EPB41L3: variants seen among roughly 807,000 people sequenced by gnomAD.
The protein encoded by EPB41L3 is erythrocyte membrane protein band 4.1 like 3.
A neutral mutation model predicts 127.1 loss-of-function variants in EPB41L3; 57 were observed. The observed-to-expected ratio is 0.45, with a 90% CI of 0.36 to 0.56. EPB41L3 has a LOEUF of 0.56. EPB41L3 is among the 20% of genes least tolerant of loss of function. EPB41L3 has a pLI of 0.00. For synonymous variants in EPB41L3, 572 were observed against 549.5 expected, an observed-to-expected ratio of 1.04 and a Z score of -0.57; for missense variants, 1,273 against 1,372.2, an observed-to-expected ratio of 0.93 and a Z score of 1.14.
rs1231711455 is a variant in EPB41L3 at position 5,392,904 on chromosome 18, CAG to C, written c.*579_*580del. On this transcript the variant is annotated 3_prime_UTR_variant, in exon 23 of 23. Coordinates refer to ENST00000341928, the MANE Select transcript of EPB41L3 (RefSeq NM_012307.5). ...GAAGCATTACATATTTCCAGAGGGT[CAG>C]AGAGTCATTACTGTTTATGGGTGAG... 6.6e-6 allele frequency: 1 copy of C among 152,594 alleles called. No homozygotes were observed. The highest frequency in any genetic ancestry group is 1.5e-5 in the Non-Finnish European group (1 of 68,070). The allele number at this position is 152,594 out of a possible 1,614,324, so 9.5% of individuals were successfully genotyped here.
upstream of EPB41L3, among the ~76,000 whole-genome samples, chr18:5,548,144 C>A (rs545126652): frequency 8.3e-4 from 127 of 152,268 alleles, no homozygotes; most frequent in African/African-American, 2.9e-3. Context: ...ATATCAAGTT[C>A]TTGAAATCAG....
chr18:5,599,566 T>G (rs922908597), intron 3 of EPB41L3, among the ~76,000 whole-genome samples: 5 of 152,130 alleles, frequency 3.3e-5, no homozygotes, highest in African/African-American at 9.7e-5. Flanking sequence ...AGGGTTAACA[T>G]CATCCCCTTA....
At chr18:5,402,826 C>G (rs1331074999) in intron 16 of EPB41L3, among the ~76,000 whole-genome samples, 1 of 152,154 alleles carries the variant, frequency 6.6e-6, no homozygotes, top group Non-Finnish European at 1.5e-5. Flanking sequence ...AAATTCATAA[C>G]AGTGTCATTT....
chr18:5,579,191 T>A (rs973692422), intron 3 of EPB41L3, among the ~76,000 whole-genome samples: 4 of 152,328 alleles, frequency 2.6e-5, no homozygotes, highest in Admixed American at 2.0e-4. Flanking sequence ...ACAATTAAAA[T>A]TTAAAATTTT....
At chr18:5,618,085 T>C (rs1262379178) in intron 1 of EPB41L3, among the ~76,000 whole-genome samples, 2 of 152,198 alleles carry the variant, frequency 1.3e-5, no homozygotes, top group East Asian at 3.8e-4. Flanking sequence ...CAATTTTTAA[T>C]CTCTTCTCTC....
Position 5,561,046 on chromosome 18 carries a change from C to G in EPB41L3, c.-306+51294G>C, listed in dbSNP as rs963553123. Reference sequence around the variant, plus strand: ...AGGCTGGAGTGCAGTGGCGCGATCGCGGCTCACTGCAAGCTCCGCCTCCCA... The same window carrying G: ...AGGCTGGAGTGCAGTGGCGCGATCGGGGCTCACTGCAAGCTCCGCCTCCCA... On this transcript the variant is annotated intron_variant, in intron 3 of 21. Coordinates refer to the EPB41L3 transcript ENST00000545076. Among the ~76,000 whole-genome samples the G allele has an allele frequency of 1.1e-4, 16 of 144,812 alleles. 2 individuals carry two copies. Among genetic ancestry groups the G allele is most frequent in the Non-Finnish European group, 1.5e-5 (1 of 66,148 alleles).
intron 9 of EPB41L3, among the ~76,000 whole-genome samples, chr18:5,426,858 T>C (rs1051868305): frequency 6.6e-6 from 1 of 152,260 alleles, no homozygotes; most frequent in Non-Finnish European, 1.5e-5. Context: ...CTATTGGCTA[T>C]AAGTTTAATA....
intron 3 of EPB41L3, among the ~76,000 whole-genome samples, chr18:5,592,943 C>T (rs977835124): frequency 6.6e-6 from 1 of 152,200 alleles, no homozygotes; most frequent in African/African-American, 2.4e-5. Flanking sequence ...TATCTGTCAG[C>T]ATCTTTCCAT....
chr18:5,630,473 G>A (rs777452529), upstream of EPB41L3: 3 of 518,964 alleles, frequency 5.8e-6, no homozygotes, highest in Admixed American at 5.8e-5. Context: ...CGCAAGGGCA[G>A]AGAGAGGTAG....
intron 3 of EPB41L3, among the ~76,000 whole-genome samples, chr18:5,569,414 G>C (rs2094248088): frequency 6.6e-6 from 1 of 152,178 alleles, no homozygotes; most frequent in South Asian, 2.1e-4. Context: ...TTAAAATGTT[G>C]CTGAGGTGTA....
rs2087666224 is a variant in EPB41L3, at chr18:5,478,313, A to T, written c.309T>A (p.Ile103=). The change falls in exon 3 of 23, where the codon ATT becomes ATA. Residue 103 remains isoleucine, a synonymous_variant. Transcript: ENST00000341928. ...SSKLSRSPLK[I]VKKPKSMQCK... ...ACTGCATGCTTTTAGGCTTTTTGACAATCTTTAATGGAGACCGAGAGAGTT... is the reference window on the plus strand; with the variant it reads ...ACTGCATGCTTTTAGGCTTTTTGACTATCTTTAATGGAGACCGAGAGAGTT... 1.2e-6 allele frequency: 2 copies of T among 1,614,142 alleles called. No individual in the cohort carries two copies. The highest frequency in any genetic ancestry group is 1.7e-6 in the Non-Finnish European group (2 of 1,180,010).
At chr18:5,573,913 CTTTT>C (rs749608391) in intron 3 of EPB41L3, among the ~76,000 whole-genome samples, 1 of 141,456 alleles carries the variant, frequency 7.1e-6, no homozygotes, top group African/African-American at 2.6e-5. Flanking sequence ...ATATATATAC[CTTTT>C]TTTTTTTTTT....
At chr18:5,414,208 C>T (rs887612914) in intron 13 of EPB41L3, among the ~76,000 whole-genome samples, 6 of 152,168 alleles carry the variant, frequency 3.9e-5, no homozygotes, top group African/African-American at 1.2e-4. Context: ...TCTAGTCCAA[C>T]ACTATTTGAT....
At chr18:5,428,509 T>A (rs199980210) in intron 8 of EPB41L3, 44 bp from the exon 9 acceptor site, 2 of 1,604,124 alleles carry the variant, frequency 1.2e-6, no homozygotes, top group Non-Finnish European at 1.7e-6. Context: ...ATCTAACTTA[T>A]TTCCATTTTC....
upstream of EPB41L3, among the ~76,000 whole-genome samples, chr18:5,629,415 CCACACACACACACACACACACACA>C (rs61034629): frequency 2.8e-5 from 4 of 143,756 alleles, no homozygotes; most frequent in Non-Finnish European, 6.1e-5. Context: ...TCCTTACACA[CCACACACACACACACACACACACA>C]CACACACACA....
intron 16 of EPB41L3, chr18:5,400,535 G>A (rs1430467414): frequency 2.2e-6 from 1 of 456,808 alleles, no homozygotes; most frequent in Non-Finnish European, 4.4e-6. Flanking sequence ...AAAATTATTT[G>A]ACGAGAAGTA....
intron 12 of EPB41L3, among the ~76,000 whole-genome samples, chr18:5,417,942 A>G (rs943805658): frequency 7.2e-5 from 11 of 152,192 alleles, no homozygotes; most frequent in Non-Finnish European, 1.6e-4. Flanking sequence ...CAGCCTGGGA[A>G]ACGTGCCTCC....
Position 5,397,899 on chromosome 18 carries a change from AC to A in EPB41L3, c.2472+121del. ...CAGACACAAAGGACAATAAGTGAAG[AC>A]ACCTTTGAGATGTTGAAGGCAAAGC... On this transcript the variant is annotated intron_variant, in intron 17 of 22. Coordinates refer to ENST00000341928, the MANE Select transcript of EPB41L3 (RefSeq NM_012307.5). The surrounding 1 kb of genome is among the most constrained non-coding windows in gnomAD (Gnocchi z 4.1). The A allele has an allele frequency of 1.8e-6, 2 of 1,099,726 alleles. No individual in the cohort carries two copies. The highest frequency in any genetic ancestry group is 2.7e-6 in the Non-Finnish European group (2 of 745,508). The allele number at this position is 1,099,726 out of a possible 1,614,324, so 68.1% of individuals were successfully genotyped here. A position where few individuals can be genotyped will look rare whatever the true frequency, so the allele number is the denominator to read the frequency against.
intron 1 of EPB41L3, among the ~76,000 whole-genome samples, chr18:5,628,385 C>T (rs2094946905): frequency 1.3e-5 from 2 of 152,180 alleles, no homozygotes; most frequent in Admixed American, 1.3e-4. Context: ...TGCGGACTGG[C>T]GGGGGCGGGG....
Sources: allele counts gnomAD v4.1 joint callset (sites outside exome capture counted in the v4.1 genomes callset), GRCh38; gene constraint gnomAD v4.1.1; non-coding constraint Gnocchi (gnomAD v3.1); transcripts MANE v1.5; gene names NCBI Gene and HGNC (gene_info 2026-07-23, HGNC 2026-07-21).